Variants in LYPLA1 observed in about 807,000 individuals in gnomAD.
The protein encoded by LYPLA1 is lysophospholipase 1, also known as acyl-protein thioesterase 1.
In LYPLA1, 17 loss-of-function variants were observed where a neutral mutation model predicts 34.0. The ratio of observed to expected loss-of-function variants is 0.50; its 90% CI spans 0.34 to 0.75. The LOEUF is 0.75. LYPLA1 is among the 30% of genes least tolerant of loss of function. The probability of loss-of-function intolerance (pLI) is 0.01; values close to 1 mark genes in which losing one functional copy is unlikely to be tolerated. For synonymous variants in LYPLA1, 98 were observed against 100.8 expected, an observed-to-expected ratio of 0.97 and a Z score of 0.17; for missense variants, 203 against 288.8, an observed-to-expected ratio of 0.70 and a Z score of 2.15.
intron 4 of LYPLA1, among the ~76,000 whole-genome samples, chr8:54,062,803 TG>T (rs1322744561): frequency 6.6e-6 from 1 of 152,176 alleles, no homozygotes; most frequent in Non-Finnish European, 1.5e-5. Flanking sequence ...TGAGCCACCA[TG>T]CCCGGCTAAA....
chr8:54,090,795 C>T (rs1809176672), intron 2 of LYPLA1, among the ~76,000 whole-genome samples: 1 of 152,134 alleles, frequency 6.6e-6, no homozygotes, highest in South Asian at 2.1e-4. Context: ...AAGGGTGGGA[C>T]CAGGTAGAGA....
At chr8:54,093,177 A>C (rs1458265916) in intron 2 of LYPLA1, among the ~76,000 whole-genome samples, 1 of 152,232 alleles carries the variant, frequency 6.6e-6, no homozygotes, top group African/African-American at 2.4e-5. Flanking sequence ...CTACAGAAAG[A>C]AGCAAGTGAG....
At chr8:54,084,951 A>G (rs746977557) in intron 2 of LYPLA1, among the ~76,000 whole-genome samples, 5 of 151,938 alleles carry the variant, frequency 3.3e-5, no homozygotes, top group African/African-American at 4.8e-5. Context: ...TACCAATCCA[A>G]TGTTTAAAGA....
chr8:54,073,338 C>T (rs745828014), intron 2 of LYPLA1: 2 of 845,004 alleles, frequency 2.4e-6, no homozygotes, highest in Non-Finnish European at 4.2e-6. Flanking sequence ...ATGATGTGTG[C>T]AAAGAGAACT....
At chr8:54,078,106 A>G (rs77401689) in intron 2 of LYPLA1, among the ~76,000 whole-genome samples, 19,095 of 151,686 alleles carry the variant, frequency 0.13, 3,189 homozygotes, top group African/African-American at 0.39. Flanking sequence ...GTGCACCACC[A>G]CGCCCTGCTA....
At chr8:54,080,648 G>A (rs1270357792) in intron 2 of LYPLA1, among the ~76,000 whole-genome samples, 2 of 152,082 alleles carry the variant, frequency 1.3e-5, no homozygotes, top group Admixed American at 6.6e-5. Flanking sequence ...AGTGCAGTGG[G>A]GTGATCTCGG....
intron 2 of LYPLA1, among the ~76,000 whole-genome samples, chr8:54,072,285 G>A (rs1158423289): frequency 6.6e-6 from 1 of 152,032 alleles, no homozygotes; most frequent in Admixed American, 6.6e-5. Context: ...ATAAAAACTC[G>A]AAAGACAACC....
chr8:54,090,378 G>A (rs559858252), intron 2 of LYPLA1, among the ~76,000 whole-genome samples: 15 of 152,336 alleles, frequency 9.8e-5, no homozygotes, highest in African/African-American at 3.4e-4. Context: ...GTTATGGAAA[G>A]ACTGTGTTTC....
chr8:54,101,483 C>T, intron 1 of LYPLA1: 1 of 1,116,458 alleles, frequency 9.0e-7, no homozygotes, highest in Non-Finnish European at 1.1e-6. Context: ...AGGCTGACGC[C>T]GTGCCCTAGG....
intron 2 of LYPLA1, among the ~76,000 whole-genome samples, chr8:54,080,735 G>A (rs1808253055): frequency 6.6e-6 from 1 of 152,132 alleles, no homozygotes. Context: ...CTACAGGCCT[G>A]TGCCACCATA....
At chr8:54,048,620 A>G (rs1351504138) in intron 8 of LYPLA1, among the ~76,000 whole-genome samples, 1 of 152,214 alleles carries the variant, frequency 6.6e-6, no homozygotes, top group Non-Finnish European at 1.5e-5. Flanking sequence ...TTAATATACC[A>G]AAGATTTATC....
At chr8:54,098,479 G>A (rs1240010792) in intron 2 of LYPLA1, among the ~76,000 whole-genome samples, 1 of 152,162 alleles carries the variant, frequency 6.6e-6, no homozygotes, top group Non-Finnish European at 1.5e-5. Flanking sequence ...AGGAGTTCAA[G>A]ACCACCCTGG....
chr8:54,085,445 C>T (rs1422261905), intron 2 of LYPLA1, among the ~76,000 whole-genome samples: 3 of 152,214 alleles, frequency 2.0e-5, no homozygotes, highest in African/African-American at 7.2e-5. Flanking sequence ...GCCCCGCCGC[C>T]CATCGTCTGG....
intron 2 of LYPLA1, among the ~76,000 whole-genome samples, chr8:54,075,116 T>C (rs576910727): frequency 3.9e-5 from 6 of 152,164 alleles, no homozygotes; most frequent in Non-Finnish European, 8.8e-5. Flanking sequence ...AGACAGAGAA[T>C]ATGGAACCCC....
chr8:54,087,911 A>G (rs976521610), intron 2 of LYPLA1, among the ~76,000 whole-genome samples: 1 of 152,238 alleles, frequency 6.6e-6, no homozygotes. Flanking sequence ...AGTCATTTAT[A>G]ATCTGACAAG....
At chr8:54,068,362 C>CGA (rs1393611699) in intron 2 of LYPLA1, among the ~76,000 whole-genome samples, 2 of 151,978 alleles carry the variant, frequency 1.3e-5, no homozygotes, top group Non-Finnish European at 2.9e-5. Flanking sequence ...TATTAGAACC[C>CGA]GATCTAAAAT....
chr8:54,100,843 A>G, intron 2 of LYPLA1, 65 bp downstream of exon 2: 1 of 1,291,206 alleles, frequency 7.7e-7, no homozygotes, highest in Non-Finnish European at 1.1e-6. Flanking sequence ...AAACCTTTGA[A>G]CGCGTAAACA....
intron 2 of LYPLA1, chr8:54,100,413 C>A (rs1810031242): frequency 6.5e-6 from 1 of 153,622 alleles, no homozygotes; most frequent in Non-Finnish European, 1.4e-5. Flanking sequence ...GTAGTTAGTA[C>A]AACAAATTGT....
Position 54,062,298 on chromosome 8 carries a change from T to A in LYPLA1, c.242A>T (p.Asp81Val), listed in dbSNP as rs758785897. The A allele has an allele frequency of 6.2e-7, 1 of 1,607,282 alleles. No homozygotes were observed. The part of the protein sequence containing the change: ...SWFDIIGLSP[D>V]SQEDESGIKQ... ...AATCCCAGATTCATCCTCCTGTGAA[T>A]CTGGTGAAAGCCCAATAATATCAAA... The change falls in exon 5 of 9, where the codon GAT becomes GTT. Residue 81 changes from aspartate (D) to valine (V), a missense_variant. Transcript: ENST00000316963.
Sources: gnomAD v4.1 joint callset for allele counts (sites outside exome capture counted in the v4.1 genomes callset) on GRCh38, gnomAD v4.1.1 for gene constraint, MANE v1.5 for transcripts, NCBI Gene and HGNC (gene_info 2026-07-23, HGNC 2026-07-21) for gene names.